The following XKR6 variants were observed in gnomAD, a reference collection of about 807,000 sequenced individuals.
XKR6 encodes XK-related protein 6.
Under a neutral mutation model 56.7 loss-of-function variants are expected in XKR6, and 22 were observed. The observed-to-expected ratio is 0.39, with a 90% CI of 0.28 to 0.55. XKR6 has a LOEUF of 0.55. Among genes scored for constraint, XKR6 ranks in the 20% least tolerant of loss-of-function variants. XKR6 has a pLI of 0.66. For missense variants in XKR6, 852 were observed against 889.0 expected (o/e 0.96, Z 0.53); for synonymous variants, 524 against 387.8 (o/e 1.35, Z -4.13).
At chr8:11,014,379 T>C (rs1190759853) in intron 1 of XKR6, among the ~76,000 whole-genome samples, 1 of 152,180 alleles carries the variant, frequency 6.6e-6, no homozygotes, top group Non-Finnish European at 1.5e-5. Context: ...AAAGGAAAAC[T>C]ATTAACCTGT....
chr8:11,067,646 G>T (rs1279030753), intron 1 of XKR6, among the ~76,000 whole-genome samples: 1 of 152,240 alleles, frequency 6.6e-6, no homozygotes, highest in African/African-American at 2.4e-5. Context: ...TACCAGCTGA[G>T]GGGAGTTGAG....
At chr8:11,065,722 G>A (rs922698250) in intron 1 of XKR6, among the ~76,000 whole-genome samples, 5 of 152,102 alleles carry the variant, frequency 3.3e-5, no homozygotes, top group African/African-American at 1.2e-4. Flanking sequence ...GCTAAAGTCC[G>A]GTCTCTTCCG....
intron 1 of XKR6, among the ~76,000 whole-genome samples, chr8:11,180,436 T>C (rs1429489277): frequency 6.6e-6 from 1 of 152,178 alleles, no homozygotes; most frequent in Non-Finnish European, 1.5e-5. Context: ...CTCTACCAAC[T>C]AGATGCCAGT....
At chr8:10,948,877 G>C (rs1801630897) in intron 1 of XKR6, among the ~76,000 whole-genome samples, 1 of 152,224 alleles carries the variant, frequency 6.6e-6, no homozygotes, top group African/African-American at 2.4e-5. Flanking sequence ...TACTGGAGCA[G>C]GCACAGCACC....
intron 1 of XKR6, among the ~76,000 whole-genome samples, chr8:11,022,347 G>A (rs4076425): frequency 0.3 from 45,078 of 151,736 alleles, 7,465 homozygotes; most frequent in African/African-American, 0.44. Flanking sequence ...GGGGAGAGCA[G>A]ATTTACATGT....
At chr8:10,967,099 C>T (rs1291854216) in intron 1 of XKR6, among the ~76,000 whole-genome samples, 1 of 152,216 alleles carries the variant, frequency 6.6e-6, no homozygotes, top group Non-Finnish European at 1.5e-5. Context: ...CAACAAGATC[C>T]CTGCGTCATA....
chr8:11,114,437 T>C (rs1332890172), intron 1 of XKR6, among the ~76,000 whole-genome samples: 2 of 152,172 alleles, frequency 1.3e-5, no homozygotes, highest in African/African-American at 4.8e-5. Flanking sequence ...TCTCAGCTCA[T>C]TGCAGCCTCT....
At chr8:11,016,790 C>A (rs10105947) in intron 1 of XKR6, among the ~76,000 whole-genome samples, 2,334 of 152,348 alleles carry the variant, frequency 0.015, 58 homozygotes, top group African/African-American at 0.052. Flanking sequence ...CTTGCTCCCC[C>A]ACCACTCTTC....
chr8:11,089,691 T>C (rs184644997), intron 1 of XKR6, among the ~76,000 whole-genome samples: 41 of 152,278 alleles, frequency 2.7e-4, no homozygotes, highest in Admixed American at 5.2e-4. Flanking sequence ...GTAATAATAT[T>C]ACAAGGAGCA....
At chr8:11,031,169 A>G (rs1253478683) in intron 1 of XKR6, among the ~76,000 whole-genome samples, 1 of 152,184 alleles carries the variant, frequency 6.6e-6, no homozygotes, top group African/African-American at 2.4e-5. Flanking sequence ...AGCTGGGCCA[A>G]TCAGAATCTG....
chr8:11,098,525 G>A (rs1586541988), intron 1 of XKR6, among the ~76,000 whole-genome samples: 1 of 152,144 alleles, frequency 6.6e-6, no homozygotes, highest in East Asian at 1.9e-4. Flanking sequence ...TTTCACAACT[G>A]GGACAGGAAC....
At position 11,124,095 on chromosome 8, in the gene XKR6, T is replaced by A. The variant is rs764320799; in HGVS notation, c.764+76481A>T. ...CTAGCACGATTTCCTACTAACATAC[T>A]ATATTTTTACTTATTTACTTTATCT... On this transcript the variant is annotated intron_variant, in intron 1 of 2. Transcript: ENST00000416569. 2.0e-4 allele frequency: 88 copies of A among 439,156 alleles called. 1 individual carries two copies. Among genetic ancestry groups the A allele is most frequent in the South Asian group, 1.4e-3 (87 of 63,144 alleles). 27.2% of individuals were successfully genotyped at this position (439,156 alleles called of 1,614,324 possible). A position where few individuals can be genotyped will look rare whatever the true frequency, so the allele number is the denominator to read the frequency against.
rs58774414 is a variant in XKR6 at position 10,984,732 on chromosome 8, C to CTATATATATATATA, written c.765-59916_765-59903dup. ...TCTCTCTCTCTCTCTCTCTCTCTCT[C>CTATATATATATATA]TATATATATATATATATATATATAT... On this transcript the variant is annotated intron_variant, in intron 1 of 2. Transcript: ENST00000416569. 2.8e-3 allele frequency among the ~76,000 whole-genome samples: 133 copies of CTATATATATATATA among 47,408 alleles called. 2 individuals are homozygous for CTATATATATATATA. The highest frequency in any genetic ancestry group is 7.2e-3 in the African/African-American group (80 of 11,090). The allele number at this position is 47,408 out of a possible 152,430, so 31.1% of individuals were successfully genotyped here.
At chr8:10,966,209 G>C (rs955939580) in intron 1 of XKR6, among the ~76,000 whole-genome samples, 1 of 152,172 alleles carries the variant, frequency 6.6e-6, no homozygotes, top group African/African-American at 2.4e-5. Context: ...TTCTCATTCA[G>C]TATGTCGAGG....
chr8:11,154,904 A>G (rs751653718), intron 1 of XKR6, among the ~76,000 whole-genome samples: 7 of 152,336 alleles, frequency 4.6e-5, no homozygotes, highest in South Asian at 2.1e-4. Flanking sequence ...TCAAATTTTA[A>G]TTCTAAAATT....
chr8:11,113,068 G>C (rs571138013), intron 1 of XKR6, among the ~76,000 whole-genome samples: 103 of 152,206 alleles, frequency 6.8e-4, no homozygotes, highest in African/African-American at 2.2e-3. Context: ...GCACCCTCCA[G>C]AATGAGATGA....
chr8:11,168,654 C>G (rs1396171998), intron 1 of XKR6, among the ~76,000 whole-genome samples: 1 of 152,088 alleles, frequency 6.6e-6, no homozygotes, highest in Non-Finnish European at 1.5e-5. Context: ...CAAAGCAAGT[C>G]TCAATGAATT....
chr8:11,198,502 G>A (rs1330068705), intron 1 of XKR6, among the ~76,000 whole-genome samples: 1 of 141,528 alleles, frequency 7.1e-6, no homozygotes, highest in African/African-American at 2.6e-5. Flanking sequence ...CAATGCAGAG[G>A]AAAGTTAAGA....
At chr8:11,117,110 T>A (rs761992398) in intron 1 of XKR6, among the ~76,000 whole-genome samples, 2 of 152,190 alleles carry the variant, frequency 1.3e-5, no homozygotes, top group Non-Finnish European at 2.9e-5. Flanking sequence ...CAAATGCTAT[T>A]TATTTAAGAA....
Sources: gnomAD v4.1 joint callset for allele counts (sites outside exome capture counted in the v4.1 genomes callset) on GRCh38, gnomAD v4.1.1 for gene constraint, MANE v1.5 for transcripts, NCBI Gene and HGNC (gene_info 2026-07-23, HGNC 2026-07-21) for gene names.